CCNY: variants seen among roughly 807,000 people sequenced by gnomAD.
CCNY encodes cyclin Y.
A neutral mutation model predicts 42.8 loss-of-function variants in CCNY; 19 were observed. The observed-to-expected ratio is 0.44, with a 90% confidence interval of 0.31 to 0.65. The LOEUF is 0.65. Among genes scored for constraint, CCNY ranks in the 30% least tolerant of loss-of-function variants. The pLI is 0.07. For synonymous variants in CCNY, 165 were observed against 162.7 expected (o/e 1.01, Z -0.11); for missense variants, 370 against 437.3 (o/e 0.85, Z 1.37).
At chr10:35,525,072 A>G (rs569653095) in intron 4 of CCNY, among the ~76,000 whole-genome samples, 46 of 152,362 alleles carry the variant, frequency 3.0e-4, no homozygotes, top group African/African-American at 1.0e-3. Context: ...TATTAGAAAC[A>G]ACCTAAATGT....
intron 3 of CCNY, among the ~76,000 whole-genome samples, chr10:35,281,364 T>C (rs1317025354): frequency 6.6e-6 from 1 of 152,080 alleles, no homozygotes; most frequent in Non-Finnish European, 1.5e-5. Context: ...AGTGGTGCGA[T>C]CTCAGCTCAC....
intron 3 of CCNY, among the ~76,000 whole-genome samples, chr10:35,329,378 C>A (rs561875065): frequency 2.0e-5 from 3 of 152,050 alleles, no homozygotes; most frequent in Admixed American, 2.0e-4. Flanking sequence ...GGTGAAACCC[C>A]ATCTCTACTA....
At chr10:35,438,149 C>CT (rs375497545) in intron 1 of CCNY, among the ~76,000 whole-genome samples, 1,895 of 137,632 alleles carry the variant, frequency 0.014, 16 homozygotes, top group Admixed American at 0.023. Flanking sequence ...CTTCAGAGTT[C>CT]TTTTTTTTTT....
At chr10:35,467,448 C>A (rs1839293261) in intron 1 of CCNY, among the ~76,000 whole-genome samples, 1 of 152,080 alleles carries the variant, frequency 6.6e-6, no homozygotes, top group South Asian at 2.1e-4. Flanking sequence ...TGCTGAATAC[C>A]CCCTAGGGTG....
chr10:35,553,276 C>A, intron 8 of CCNY, 91 bp downstream of exon 8: 1 of 1,270,440 alleles, frequency 7.9e-7, no homozygotes, highest in Non-Finnish European at 1.1e-6. Context: ...GTCTGTATAG[C>A]GCAGAATGCA....
chr10:35,360,709 A>G (rs768000357), intron 1 of CCNY, among the ~76,000 whole-genome samples: 1 of 152,102 alleles, frequency 6.6e-6, no homozygotes, highest in African/African-American at 2.4e-5. Context: ...AAAATTTTAC[A>G]TTAGTATTTT....
At chr10:35,507,712 C>G (rs543999665) in intron 3 of CCNY, among the ~76,000 whole-genome samples, 3 of 152,116 alleles carry the variant, frequency 2.0e-5, no homozygotes, top group African/African-American at 7.2e-5. Context: ...CATGCACGCT[C>G]TATGTCCTTT....
chr10:35,535,233 G>A (rs1458631250), intron 7 of CCNY, among the ~76,000 whole-genome samples: 1 of 151,952 alleles, frequency 6.6e-6, no homozygotes, highest in Non-Finnish European at 1.5e-5. Flanking sequence ...CAGAGAAGGG[G>A]GTGGTTGTCA....
At position 35,426,111 on chromosome 10, in the gene CCNY, G is replaced by GCACA. The variant is rs1055933724; in HGVS notation, c.155-57248_155-57245dup. Among the ~76,000 whole-genome samples, 447 of 80,446 alleles carry GCACA rather than the reference G, an allele frequency of 5.6e-3. 7 individuals carry two copies. The highest frequency in any genetic ancestry group is 0.017 in the African/African-American group (324 of 18,760). The allele number at this position is 80,446 out of a possible 152,430, so 52.8% of individuals were successfully genotyped here. ...TTCTCCCTTCACTGGTCCAGCACGC[G>GCACA]CACACACACACACACACACACACAC... On this transcript the variant is annotated intron_variant, in intron 1 of 9. Transcript: ENST00000374704.
At chr10:35,273,162 C>T (rs142347110) in intron 3 of CCNY, among the ~76,000 whole-genome samples, 41 of 152,056 alleles carry the variant, frequency 2.7e-4, no homozygotes, top group African/African-American at 9.6e-4. Flanking sequence ...TTAATCTTGT[C>T]TGCTCACATC....
intron 1 of CCNY, among the ~76,000 whole-genome samples, chr10:35,443,728 C>T (rs761874823): frequency 6.6e-6 from 1 of 152,208 alleles, no homozygotes; most frequent in African/African-American, 2.4e-5. Flanking sequence ...ATCTTTTAGG[C>T]TAGATATTTC....
intron 3 of CCNY, among the ~76,000 whole-genome samples, chr10:35,307,529 C>T (rs1835621355): frequency 6.6e-6 from 1 of 152,078 alleles, no homozygotes; most frequent in South Asian, 2.1e-4. Flanking sequence ...TGCCATATGA[C>T]TCTGATTTTG....
At chr10:35,377,629 A>G (rs930556855) in intron 1 of CCNY, among the ~76,000 whole-genome samples, 2 of 152,214 alleles carry the variant, frequency 1.3e-5, no homozygotes, top group Non-Finnish European at 2.9e-5. Flanking sequence ...GGTGAATTTG[A>G]TGGCATGTGA....
chr10:35,493,246 A>G (rs1309978557), intron 2 of CCNY, among the ~76,000 whole-genome samples: 1 of 152,172 alleles, frequency 6.6e-6, no homozygotes, highest in Non-Finnish European at 1.5e-5. Flanking sequence ...TCCCAGTCAG[A>G]ACATTGCTCA....
At chr10:35,464,832 T>G (rs1839224790) in intron 1 of CCNY, among the ~76,000 whole-genome samples, 1 of 152,222 alleles carries the variant, frequency 6.6e-6, no homozygotes, top group Admixed American at 6.5e-5. Context: ...GGAGTAATGA[T>G]AGTGGACTCA....
intron 4 of CCNY, among the ~76,000 whole-genome samples, chr10:35,523,175 G>A (rs1038449556): frequency 1.3e-5 from 2 of 152,190 alleles, no homozygotes; most frequent in African/African-American, 4.8e-5. Flanking sequence ...GTCGGGTGAA[G>A]CTGGTTTTTC....
intron 3 of CCNY, chr10:35,315,422 G>C (rs1835743747): frequency 6.6e-6 from 1 of 152,158 alleles, no homozygotes; most frequent in South Asian, 2.1e-4. Flanking sequence ...CTCCATTCAT[G>C]TTCCTGCAAA....
Position 35,341,506 on chromosome 10 carries a change from A to G in CCNY, c.154+4299A>G, listed in dbSNP as rs11010177. Among the ~76,000 whole-genome samples the G allele has an allele frequency of 4.5e-3, 689 of 152,372 alleles. 6 individuals are homozygous for G. Among genetic ancestry groups the G allele is most frequent in the African/African-American group, 0.016 (657 of 41,592 alleles). On this transcript the variant is annotated intron_variant, in intron 1 of 9. Coordinates refer to ENST00000374704, the MANE Select transcript of CCNY (RefSeq NM_145012.6). The stretch of plus-strand genomic sequence containing the variant: ...TAGCTACTAGCATGTAAGTTCCAAT[A>G]GAACATTTATTGTTTGGTTCACTGA...
At chr10:35,443,072 A>G (rs957293214) in intron 1 of CCNY, among the ~76,000 whole-genome samples, 1 of 152,210 alleles carries the variant, frequency 6.6e-6, no homozygotes, top group African/African-American at 2.4e-5. Flanking sequence ...TATAGAAGAT[A>G]AAAAATAGTA....
Sources: gnomAD v4.1 joint callset for allele counts (sites outside exome capture counted in the v4.1 genomes callset) on GRCh38, gnomAD v4.1.1 for gene constraint, MANE v1.5 for transcripts, NCBI Gene and HGNC (gene_info 2026-07-23, HGNC 2026-07-21) for gene names.